Variants in NF1 observed in about 807,000 individuals in gnomAD.
NF1 encodes the protein neurofibromin.
NF1 carries 122 observed loss-of-function variants against 325.7 expected under a neutral mutation model. That is an observed-to-expected ratio of 0.37 (90% CI 0.32 to 0.44). The LOEUF (loss-of-function observed/expected upper bound fraction) is 0.44. Ranked by LOEUF, NF1 falls within the 20% of genes least tolerant of loss-of-function variation. The pLI is 1.00. For missense variants in NF1, 2,140 were observed against 3,415.4 expected (o/e 0.63, Z 9.31); for synonymous variants, 1,091 against 1,186.0 (o/e 0.92, Z 1.65).
chr17:31,243,477 G>A (rs1483192565), intron 29 of NF1, among the ~76,000 whole-genome samples: 3 of 152,090 alleles, frequency 2.0e-5, no homozygotes, highest in African/African-American at 7.2e-5. Context: ...GATCTACCTA[G>A]TGCTCTATTC....
intron 36 of NF1, among the ~76,000 whole-genome samples, chr17:31,303,543 C>A (rs1462460495): frequency 1.3e-5 from 2 of 151,442 alleles, no homozygotes; most frequent in East Asian, 3.9e-4. Context: ...TCTTCTTTTC[C>A]TTTTTTTTGC....
intron 1 of NF1, among the ~76,000 whole-genome samples, chr17:31,124,258 C>T (rs1231495287): frequency 6.6e-6 from 1 of 151,634 alleles, no homozygotes; most frequent in Non-Finnish European, 1.5e-5. Context: ...AGAGCCAGGG[C>T]CTTGCCTTGT....
chr17:31,326,602 G>A (rs8077907), intron 37 of NF1, among the ~76,000 whole-genome samples: 76 of 152,112 alleles, frequency 5.0e-4, no homozygotes, highest in African/African-American at 1.7e-3. Flanking sequence ...AGCCGAGATT[G>A]CGCCACTGCA....
intron 29 of NF1, among the ~76,000 whole-genome samples, chr17:31,243,894 T>C (rs2067347123): frequency 6.6e-6 from 1 of 151,628 alleles, no homozygotes; most frequent in Non-Finnish European, 1.5e-5. Context: ...TCTCTCTCCA[T>C]AGCCACCACA....
rs368685980 is a variant in NF1 at position 31,258,357 on chromosome 17, G to A, written c.4187G>A (p.Arg1396His). The change falls in exon 32 of 58, where the codon CGT becomes CAT. Residue 1396 changes from arginine to histidine, a missense_variant. Around this residue, in one of 10 missense-constraint regions of NF1, gnomAD observed 336 missense variants for 399.0 expected, o/e 0.84. Transcript: ENST00000358273. ...CCTTGTTTTTAGGTGGTTAGCCAGC[G>A]TTTCCCTCAGAACAGCATCGGTGCA... ...KENKKSVVSQ[R>H]FPQNSIGAVG... 32 of 1,613,572 alleles carry A rather than the reference G, an allele frequency of 2.0e-5. No homozygotes were observed. Among genetic ancestry groups the A allele is most frequent in the Non-Finnish European group, 2.4e-5 (28 of 1,179,856 alleles).
At chr17:31,190,187 G>A (rs1177316185) in intron 8 of NF1, among the ~76,000 whole-genome samples, 1 of 151,796 alleles carries the variant, frequency 6.6e-6, no homozygotes, top group Non-Finnish European at 1.5e-5. Flanking sequence ...AACCTGGGAG[G>A]TGGAGGTTGC....
At chr17:31,158,001 C>T (rs2065696084) in intron 2 of NF1, among the ~76,000 whole-genome samples, 1 of 152,010 alleles carries the variant, frequency 6.6e-6, no homozygotes, top group African/African-American at 2.4e-5. Flanking sequence ...TTAACATAGT[C>T]ATTCTACAGT....
chr17:31,313,986 G>A (rs1458334345), intron 36 of NF1: 1 of 397,904 alleles, frequency 2.5e-6, no homozygotes, highest in Non-Finnish European at 4.4e-6. Context: ...TACCTCAGCT[G>A]TTAACTTCTT....
intron 18 of NF1, among the ~76,000 whole-genome samples, chr17:31,227,012 G>A (rs562316217): frequency 7.2e-5 from 11 of 152,326 alleles, no homozygotes; most frequent in African/African-American, 2.2e-4. Context: ...TAAATTGTAG[G>A]TGGGAATAGC....
chr17:31,228,358 A>G (rs1162573372), intron 20 of NF1, among the ~76,000 whole-genome samples: 1 of 152,226 alleles, frequency 6.6e-6, no homozygotes, highest in Non-Finnish European at 1.5e-5. Flanking sequence ...TTATATTTTT[A>G]CGAAGCAAAT....
intron 12 of NF1, among the ~76,000 whole-genome samples, chr17:31,212,269 T>C (rs1220444576): frequency 2.6e-5 from 4 of 152,212 alleles, no homozygotes; most frequent in African/African-American, 7.2e-5. Context: ...CTGCTCCCAT[T>C]GGAAGGTTTT....
chr17:31,331,198 C>CT (rs1193022790), intron 39 of NF1: 1 of 152,070 alleles, frequency 6.6e-6, no homozygotes, highest in Non-Finnish European at 1.5e-5. Flanking sequence ...CACTAAGACT[C>CT]TTTGTCAGGT....
chr17:31,364,810 T>C (rs1597874545), intron 57 of NF1, among the ~76,000 whole-genome samples: 1 of 152,366 alleles, frequency 6.6e-6, no homozygotes, highest in African/African-American at 2.4e-5. Context: ...TAGAATTGCA[T>C]TGACTGTGAC....
chr17:31,210,444 G>T (rs994892943), intron 12 of NF1, among the ~76,000 whole-genome samples: 5 of 152,102 alleles, frequency 3.3e-5, no homozygotes, highest in Admixed American at 2.6e-4. Context: ...AATTAGGCAG[G>T]CGTGGTGGCA....
intron 39 of NF1, chr17:31,331,904 T>TAAAAAAAAAAAAAAA (rs755592420): frequency 2.3e-5 from 1 of 42,880 alleles, no homozygotes; most frequent in African/African-American, 1.3e-4. Context: ...CCTTCTCTAT[T>TAAAAAAAAAAAAAAA]AAAAAAAAAA....
chr17:31,364,070 T>G (rs1032141900), intron 57 of NF1, among the ~76,000 whole-genome samples: 6 of 152,186 alleles, frequency 3.9e-5, no homozygotes, highest in African/African-American at 2.4e-5. Context: ...TTGAGTTTGC[T>G]TATATCAAAA....
intron 7 of NF1, 48 bp downstream of exon 7, chr17:31,181,833 A>C (rs186121639): frequency 2.4e-6 from 3 of 1,228,274 alleles, no homozygotes; most frequent in Non-Finnish European, 3.5e-6. Flanking sequence ...TTAAATGCCT[A>C]CTTGTGACAT....
chr17:31,314,812 T>C (rs2068978827), intron 36 of NF1, among the ~76,000 whole-genome samples: 1 of 152,210 alleles, frequency 6.6e-6, no homozygotes, highest in Non-Finnish European at 1.5e-5. Flanking sequence ...CTGTTGGGTA[T>C]ATACCTAGCA....
intron 36 of NF1, among the ~76,000 whole-genome samples, chr17:31,314,783 C>T (rs926983054): frequency 6.6e-6 from 1 of 152,130 alleles, no homozygotes; most frequent in African/African-American, 2.4e-5. Context: ...GCAGATGTCT[C>T]TTTGTACAGT....
Sources: allele counts gnomAD v4.1 joint callset (sites outside exome capture counted in the v4.1 genomes callset), GRCh38; gene constraint gnomAD v4.1.1; regional missense constraint gnomAD v4.1.1; transcripts MANE v1.5; gene names NCBI Gene and HGNC (gene_info 2026-07-23, HGNC 2026-07-21).